Variants in UNC5B observed in about 807,000 individuals in gnomAD.
The protein encoded by UNC5B is netrin receptor UNC5B.
Under a neutral mutation model 103.7 loss-of-function variants are expected in UNC5B, and 56 were observed. That is an observed-to-expected ratio of 0.54 (90% confidence interval 0.44 to 0.67). The LOEUF is 0.67. Among genes scored for constraint, UNC5B ranks in the 30% least tolerant of loss-of-function variants. The pLI is 0.00. For synonymous variants in UNC5B, 577 were observed against 542.0 expected (o/e 1.06, Z -0.90); for missense variants, 1,194 against 1,284.5 (o/e 0.93, Z 1.08).
At chr10:71,299,038 G>T in intron 16 of UNC5B, 74 bp from the exon 17 acceptor site, 1 of 1,571,232 alleles carries the variant, frequency 6.4e-7, no homozygotes, top group East Asian at 2.2e-5. Context: ...ACTTCCCCTT[G>T]TGCCCCTTCA....
intron 1 of UNC5B, among the ~76,000 whole-genome samples, chr10:71,242,715 G>A (rs1018429103): frequency 5.3e-5 from 8 of 152,208 alleles, no homozygotes; most frequent in African/African-American, 1.2e-4. Flanking sequence ...TGCCACATCC[G>A]TTCCTGTAGA....
At chr10:71,246,430 T>G (rs895928834) in intron 1 of UNC5B, among the ~76,000 whole-genome samples, 7 of 151,160 alleles carry the variant, frequency 4.6e-5, no homozygotes, top group Admixed American at 4.6e-4. Flanking sequence ...CTGAGGGAGG[T>G]GGGGCTGAAT....
At chr10:71,267,131 G>A (rs2132286638) in intron 1 of UNC5B, among the ~76,000 whole-genome samples, 1 of 152,318 alleles carries the variant, frequency 6.6e-6, no homozygotes, top group African/African-American at 2.4e-5. Context: ...AGTGCATAGG[G>A]CTGCCCAGCT....
chr10:71,214,937 C>T (rs996472046), intron 1 of UNC5B, among the ~76,000 whole-genome samples: 5 of 152,142 alleles, frequency 3.3e-5, no homozygotes, highest in Admixed American at 1.3e-4. Flanking sequence ...CGAGCAGAAG[C>T]GGTGTTGGAA....
chr10:71,296,488 C>T, intron 14 of UNC5B, 90 bp from the exon 15 acceptor site: 5 of 1,477,764 alleles, frequency 3.4e-6, no homozygotes, highest in Non-Finnish European at 4.5e-6. Context: ...AACTGCCCCC[C>T]AAAGCTCCCA....
chr10:71,231,172 A>T (rs1843675287), intron 1 of UNC5B, among the ~76,000 whole-genome samples: 1 of 152,194 alleles, frequency 6.6e-6, no homozygotes, highest in African/African-American at 2.4e-5. Flanking sequence ...CAGCCTATAG[A>T]ATTTCCTGAG....
Position 71,287,737 on chromosome 10 carries a change from G to T in UNC5B, c.873G>T (p.Gln291His). Residue 291 changes from glutamine to histidine, a missense_variant, in exon 6 of 17, where the codon CAG becomes CAT. Transcript: ENST00000335350. ...GGAFCEGQAF[Q>H]KTACTTICPV... ...CCTTCTGCGAGGGCCAGGCATTCCAGAAGACCGCCTGCACCACCATCTGCC... is the reference window on the plus strand; with the variant it reads ...CCTTCTGCGAGGGCCAGGCATTCCATAAGACCGCCTGCACCACCATCTGCC... 6.2e-7 allele frequency: 1 copy of T among 1,613,062 alleles called. No homozygotes were observed. The highest frequency in any genetic ancestry group is 1.1e-5 in the South Asian group (1 of 90,912).
rs1038770866 is a variant in UNC5B, at chr10:71,301,112, C to A, written c.*1835C>A. On this transcript the variant is annotated 3_prime_UTR_variant, in exon 17 of 17. Transcript: ENST00000335350. The stretch of plus-strand genomic sequence containing the variant: ...AAGGCAGGTGCCCGCTTCCCCAACA[C>A]CTCCAGGCAGTGACCCTAGGGCATG... 1 of 152,498 alleles carries A rather than the reference C, an allele frequency of 6.6e-6. No homozygotes were observed. Among genetic ancestry groups the A allele is most frequent in the Admixed American group, 6.5e-5 (1 of 15,292 alleles). The allele number at this position is 152,498 out of a possible 1,614,324, so 9.4% of individuals were successfully genotyped here. A position where few individuals can be genotyped will look rare whatever the true frequency, so the allele number is the denominator to read the frequency against.
At chr10:71,286,596 A>T in intron 4 of UNC5B, 93 bp from the exon 5 acceptor site, 1 of 1,497,302 alleles carries the variant, frequency 6.7e-7, no homozygotes, top group Non-Finnish European at 9.2e-7. Flanking sequence ...CACTGCCACG[A>T]CTATGGCGTG....
In UNC5B at chr10:71,296,637, C is replaced by T. The variant is rs531459519; in HGVS notation, c.2385C>T (p.Thr795=). The part of the protein sequence containing the change: ...GSQKALHCTF[T]LERHSLASTE... Reference sequence around the variant, plus strand: ...AGAAGGCCCTCCACTGCACTTTCACCCTGGAGAGGCACAGCTTGGCCTCCA... The same window carrying T: ...AGAAGGCCCTCCACTGCACTTTCACTCTGGAGAGGCACAGCTTGGCCTCCA... Residue 795 remains threonine, a synonymous_variant, in exon 15 of 17, where the codon ACC becomes ACT. Coordinates refer to ENST00000335350, the MANE Select transcript of UNC5B (RefSeq NM_170744.5). 4 of 1,614,060 alleles carry T rather than the reference C, an allele frequency of 2.5e-6. No individual in the cohort carries two copies. In the East Asian group the frequency reaches 6.7e-5, roughly 27 times the overall value.
chr10:71,273,034 A>G (rs915476597), intron 1 of UNC5B, among the ~76,000 whole-genome samples: 13 of 152,206 alleles, frequency 8.5e-5, no homozygotes, highest in Admixed American at 2.0e-4. Context: ...GATTACAGGC[A>G]TCCGCCACCA....
Position 71,279,847 on chromosome 10 carries a change from C to G in UNC5B, c.106C>G (p.Pro36Ala). Residue 36 changes from proline to alanine, a missense_variant, in exon 2 of 17, where the codon CCT becomes GCT. Pro to Ala is a conservative substitution (Grantham distance 27, BLOSUM62 -1). Transcript: ENST00000335350. ...AGTDSGSEVLPDSFPSAPAEP... is the reference protein window; with the variant it reads ...AGTDSGSEVLADSFPSAPAEP... ...CACTGATTCTGGCAGCGAGGTGCTC[C>G]CTGACTCCTTCCCGTCAGCGCCAGC... 1 of 1,613,704 alleles carries G rather than the reference C, an allele frequency of 6.2e-7. No individual in the cohort carries two copies. The highest frequency in any genetic ancestry group is 1.1e-5 in the South Asian group (1 of 91,066).
chr10:71,231,503 G>T (rs531632158), intron 1 of UNC5B, among the ~76,000 whole-genome samples: 1 of 152,176 alleles, frequency 6.6e-6, no homozygotes, highest in South Asian at 2.1e-4. Flanking sequence ...AGACTTATGT[G>T]TTGACTCCCC....
rs7893848 is a variant in UNC5B at position 71,296,938 on chromosome 10, C to T, written c.2490+196C>T. ...ATATTCCAGCTGCACACCACGCTGG[C>T]GGAGGTGAGGGAAGGGCGGCCAGAT... On this transcript the variant is annotated intron_variant, in intron 15 of 16. Coordinates refer to ENST00000335350, the MANE Select transcript of UNC5B (RefSeq NM_170744.5). 2.1e-3 allele frequency among the ~76,000 whole-genome samples: 278 copies of T among 133,678 alleles called. 7 individuals are homozygous for T. The highest frequency in any genetic ancestry group is 7.5e-3 in the African/African-American group (231 of 30,902). 87.7% of individuals were successfully genotyped at this position (133,678 alleles called of 152,430 possible).
intron 9 of UNC5B, 151 bp from the exon 10 acceptor site, chr10:71,291,281 G>C (rs3740461): frequency 0.84 from 1,130,902 of 1,340,590 alleles, 480,600 homozygotes; most frequent in Non-Finnish European, 0.86. Flanking sequence ...AGAAGGAAGG[G>C]AGTGACCCAG....
chr10:71,280,152 C>G, intron 2 of UNC5B, 107 bp downstream of exon 2: 1 of 1,267,570 alleles, frequency 7.9e-7, no homozygotes, highest in Non-Finnish European at 1.1e-6. Flanking sequence ...CTTGGATTAG[C>G]ATTTCCCCAA....
At chr10:71,229,974 C>T (rs1843651272) in intron 1 of UNC5B, among the ~76,000 whole-genome samples, 1 of 152,156 alleles carries the variant, frequency 6.6e-6, no homozygotes, top group Non-Finnish European at 1.5e-5. Flanking sequence ...AAGAGCCCCA[C>T]GAAGTCATCA....
intron 1 of UNC5B, among the ~76,000 whole-genome samples, chr10:71,240,415 C>A (rs74802939): frequency 2.0e-5 from 3 of 152,374 alleles, no homozygotes; most frequent in Non-Finnish European, 1.5e-5. Flanking sequence ...GGAAGGAAGG[C>A]AGGCTCTCAG....
At chr10:71,257,082 C>A (rs553593165) in intron 1 of UNC5B, among the ~76,000 whole-genome samples, 249 of 152,300 alleles carry the variant, frequency 1.6e-3, no homozygotes, top group Non-Finnish European at 2.6e-3. Context: ...GGCATCGACC[C>A]TCCTGGTAAG....
Sources: gnomAD v4.1 joint callset for allele counts (sites outside exome capture counted in the v4.1 genomes callset) on GRCh38, gnomAD v4.1.1 for gene constraint, MANE v1.5 for transcripts, NCBI Gene and HGNC (gene_info 2026-07-23, HGNC 2026-07-21) for gene names.